The following SGK3 variants were observed in gnomAD, a reference collection of about 807,000 sequenced individuals.
SGK3 encodes serine/threonine-protein kinase Sgk3.
A neutral mutation model predicts 68.5 loss-of-function variants in SGK3; 47 were observed. The observed-to-expected ratio is 0.69, with a 90% CI of 0.54 to 0.87. SGK3 has a LOEUF of 0.87. SGK3 is among the 40% of genes least tolerant of loss of function. The pLI is 0.00. For missense variants in SGK3, 479 were observed against 575.5 expected, an observed-to-expected ratio of 0.83 and a Z score of 1.72; for synonymous variants, 181 against 189.1, an observed-to-expected ratio of 0.96 and a Z score of 0.35.
At chr8:66,814,039 GTT>G (rs1585755573) in intron 5 of SGK3, 111 bp downstream of exon 5, 1 of 789,246 alleles carries the variant, frequency 1.3e-6, no homozygotes, top group East Asian at 3.4e-5. Context: ...TGCTATATAT[GTT>G]TGTAAAATCT....
intron 5 of SGK3, among the ~76,000 whole-genome samples, chr8:66,814,238 T>G (rs1808492193): frequency 6.6e-6 from 1 of 152,212 alleles, no homozygotes; most frequent in Non-Finnish European, 1.5e-5. Flanking sequence ...AGCATTTAAG[T>G]ACCTGCTACT....
intron 1 of SGK3, among the ~76,000 whole-genome samples, chr8:66,776,951 A>T (rs749945776): frequency 1.3e-5 from 2 of 152,240 alleles, no homozygotes; most frequent in Non-Finnish European, 2.9e-5. Context: ...CAGTATAAAC[A>T]AATTGACCTA....
At chr8:66,813,712 T>A in intron 4 of SGK3, 141 bp from the exon 5 acceptor site, 1 of 422,138 alleles carries the variant, frequency 2.4e-6, no homozygotes, top group Non-Finnish European at 4.0e-6. Context: ...AAGTATGTAT[T>A]CCTTGTGTGA....
chr8:66,788,482 C>T (rs762294243), intron 1 of SGK3, among the ~76,000 whole-genome samples: 14 of 152,176 alleles, frequency 9.2e-5, no homozygotes, highest in Admixed American at 6.5e-5. Flanking sequence ...GTCCTTAATT[C>T]ATTCCTGTTT....
chr8:66,797,969 A>T (rs1327511948), intron 2 of SGK3, among the ~76,000 whole-genome samples: 5 of 150,684 alleles, frequency 3.3e-5, no homozygotes, highest in African/African-American at 1.2e-4. Context: ...AATATCACCT[A>T]TTTTTTTCTG....
At chr8:66,732,501 A>G (rs1805189849) in intron 1 of SGK3, among the ~76,000 whole-genome samples, 1 of 152,088 alleles carries the variant, frequency 6.6e-6, no homozygotes, top group Non-Finnish European at 1.5e-5. Context: ...AAAAAAAAAA[A>G]AAATTTAACT....
chr8:66,804,827 AC>A (rs1319068841), intron 4 of SGK3, among the ~76,000 whole-genome samples: 1 of 152,166 alleles, frequency 6.6e-6, no homozygotes, highest in Non-Finnish European at 1.5e-5. Flanking sequence ...AGTGGCTCAC[AC>A]CTGTAATCGA....
At chr8:66,771,071 G>A (rs754319383) in intron 1 of SGK3, among the ~76,000 whole-genome samples, 3 of 152,088 alleles carry the variant, frequency 2.0e-5, no homozygotes, top group Admixed American at 6.6e-5. Flanking sequence ...GTTGGTTCAG[G>A]TGGGAGGGTC....
At chr8:66,857,482 T>C (rs1324004827) in intron 16 of SGK3, among the ~76,000 whole-genome samples, 1 of 152,096 alleles carries the variant, frequency 6.6e-6, no homozygotes, top group Non-Finnish European at 1.5e-5. Flanking sequence ...TCCCAGTTTT[T>C]ATCTATAAAT....
At chr8:66,736,970 G>C (rs1354761035) in intron 1 of SGK3, among the ~76,000 whole-genome samples, 2 of 151,772 alleles carry the variant, frequency 1.3e-5, no homozygotes, top group East Asian at 1.9e-4. Context: ...TAGAGAAGAG[G>C]CCTTGCTATG....
chr8:66,802,883 T>G (rs1227289509), intron 3 of SGK3, among the ~76,000 whole-genome samples: 1 of 152,314 alleles, frequency 6.6e-6, no homozygotes, highest in East Asian at 1.9e-4. Context: ...CATTCCTGGT[T>G]CATCTCTATC....
intron 1 of SGK3, among the ~76,000 whole-genome samples, chr8:66,774,448 G>A (rs1287504364): frequency 6.6e-6 from 1 of 152,040 alleles, no homozygotes; most frequent in African/African-American, 2.4e-5. Flanking sequence ...TAGGAACTGC[G>A]CCCTACTCGG....
chr8:66,850,219 G>A (rs976440888), intron 15 of SGK3, among the ~76,000 whole-genome samples: 1 of 152,122 alleles, frequency 6.6e-6, no homozygotes, highest in Non-Finnish European at 1.5e-5. Flanking sequence ...CAGACCTCTG[G>A]TGAGATACCA....
At chr8:66,759,188 T>G (rs1158368040) in intron 1 of SGK3, among the ~76,000 whole-genome samples, 2 of 145,892 alleles carry the variant, frequency 1.4e-5, no homozygotes, top group South Asian at 4.4e-4. Flanking sequence ...TGGGTTCAAG[T>G]GATTCTCCTG....
intron 14 of SGK3, among the ~76,000 whole-genome samples, chr8:66,845,027 C>T (rs1463596914): frequency 6.6e-6 from 1 of 152,190 alleles, no homozygotes; most frequent in African/African-American, 2.4e-5. Context: ...TATATCATTG[C>T]ACATAAAATG....
intron 6 of SGK3, among the ~76,000 whole-genome samples, chr8:66,823,388 GT>G (rs200290622): frequency 6.1e-4 from 82 of 134,920 alleles, no homozygotes; most frequent in South Asian, 1.2e-3. Flanking sequence ...GGGTAGCCTT[GT>G]TTTTTTTTTT....
At chr8:66,712,983 C>T (rs1301991151) in intron 1 of SGK3, 150 bp downstream of exon 1, 1 of 152,276 alleles carries the variant, frequency 6.6e-6, no homozygotes, top group Non-Finnish European at 1.5e-5. Flanking sequence ...CCCCGGCTCC[C>T]GGAGAGTTTG....
chr8:66,771,014 CA>C (rs1042498206), intron 1 of SGK3, among the ~76,000 whole-genome samples: 1 of 152,136 alleles, frequency 6.6e-6, no homozygotes, highest in Non-Finnish European at 1.5e-5. Flanking sequence ...ATCTTGAAAA[CA>C]GATGTTTTAT....
At chr8:66,752,792 T>C (rs1051175063) in intron 1 of SGK3, among the ~76,000 whole-genome samples, 6 of 152,132 alleles carry the variant, frequency 3.9e-5, no homozygotes, top group Middle Eastern at 6.8e-3. Context: ...AGGACATTGC[T>C]TGGGGAGAAG....
Sources: allele counts gnomAD v4.1 joint callset (sites outside exome capture counted in the v4.1 genomes callset), GRCh38; gene constraint gnomAD v4.1.1; transcripts MANE v1.5; gene names NCBI Gene and HGNC (gene_info 2026-07-23, HGNC 2026-07-21).